PAK5: variants seen among roughly 807,000 people sequenced by gnomAD.
The protein encoded by PAK5 is serine/threonine-protein kinase PAK 5.
In PAK5, 16 loss-of-function variants were observed where a neutral mutation model predicts 65.9. That is an observed-to-expected ratio of 0.24 (90% CI 0.16 to 0.37). The LOEUF is 0.37. PAK5 is among the 10% of genes least tolerant of loss of function. PAK5 has a pLI of 1.00. For synonymous variants in PAK5, 371 were observed against 354.9 expected, an observed-to-expected ratio of 1.05 and a Z score of -0.51; for missense variants, 785 against 903.9, an observed-to-expected ratio of 0.87 and a Z score of 1.69.
chr20:9,652,984 C>T (rs370277168), intron 2 of PAK5, among the ~76,000 whole-genome samples: 9 of 152,290 alleles, frequency 5.9e-5, no homozygotes, highest in African/African-American at 2.2e-4. Flanking sequence ...TTAGCATATA[C>T]ATCCATCTGA....
rs540521820 is a variant in PAK5 at position 9,565,127 on chromosome 20, C to A, written c.1482+766G>T. ...TTTACATTAATAAATATAAGTAATA[C>A]AGGTCAATATATTTTATGATATTAA... On this transcript the variant is annotated intron_variant, in intron 5 of 9. Coordinates refer to ENST00000353224, the MANE Select transcript of PAK5 (RefSeq NM_177990.4). 5.9e-5 allele frequency among the ~76,000 whole-genome samples: 9 copies of A among 151,728 alleles called. No homozygotes were observed. In the South Asian group the frequency reaches 1.9e-3, roughly 31 times the overall value.
intron 1 of PAK5, among the ~76,000 whole-genome samples, chr20:9,790,530 G>T (rs987862798): frequency 6.6e-6 from 1 of 152,036 alleles, no homozygotes; most frequent in Non-Finnish European, 1.5e-5. Context: ...TTTAGAGACA[G>T]GGTCTAACTC....
chr20:9,600,143 A>G (rs2046336187), intron 3 of PAK5, among the ~76,000 whole-genome samples: 1 of 152,178 alleles, frequency 6.6e-6, no homozygotes, highest in Non-Finnish European at 1.5e-5. Flanking sequence ...TGCCTTGTGG[A>G]AAAGCATCTG....
Position 9,802,910 on chromosome 20 carries a change from GTA to G in PAK5, c.-162+35850_-162+35851del, listed in dbSNP as rs57705525. Among the ~76,000 whole-genome samples the G allele has an allele frequency of 4.5e-3, 207 of 46,378 alleles. 3 individuals are homozygous for G. Among genetic ancestry groups the G allele is most frequent in the African/African-American group, 0.011 (142 of 12,514 alleles). The allele number at this position is 46,378 out of a possible 152,430, so 30.4% of individuals were successfully genotyped here. The stretch of plus-strand genomic sequence containing the variant: ...CTTCTGTACTATTGTATATGTATGT[GTA>G]TATATATATATATATATATATGAAT... On this transcript the variant is annotated intron_variant, in intron 1 of 9. Transcript: ENST00000353224.
chr20:9,727,568 A>C (rs1325503998), intron 1 of PAK5, among the ~76,000 whole-genome samples: 3 of 151,960 alleles, frequency 2.0e-5, no homozygotes, highest in Non-Finnish European at 4.4e-5. Context: ...CCAAATGGTA[A>C]TTTTCTGTTT....
In PAK5 at chr20:9,580,569, T is replaced by G. The variant is rs2123015003; in HGVS notation, c.566A>C (p.Lys189Thr). 1 of 1,614,096 alleles carries G rather than the reference T, an allele frequency of 6.2e-7. No individual in the cohort carries two copies. Among genetic ancestry groups the G allele is most frequent in the Non-Finnish European group, 8.5e-7 (1 of 1,180,022 alleles). ...GGCAGAAAATCTGGCAAAATCGGAT[T>G]TCAAAGGCTTCACCTCAGAATAGTA... ...EAYYSEVKPL[K>T]SDFARFSADY... The change falls in exon 4 of 10, where the codon AAA (lysine) becomes ACA (threonine). Residue 189 changes from lysine to threonine, a missense_variant. Lys to Thr is a moderately conservative substitution (Grantham distance 78, BLOSUM62 -1). Around this residue, in one of 4 missense-constraint regions of PAK5, gnomAD observed 422 missense variants for 413.3 expected, o/e 1.02. Transcript: ENST00000353224.
At chr20:9,721,998 A>T (rs549641573) in intron 1 of PAK5, among the ~76,000 whole-genome samples, 1 of 152,284 alleles carries the variant, frequency 6.6e-6, no homozygotes, top group African/African-American at 2.4e-5. Context: ...GCTATTTTTT[A>T]AAATTCAAAT....
intron 2 of PAK5, among the ~76,000 whole-genome samples, chr20:9,693,111 G>A (rs905422289): frequency 6.6e-6 from 1 of 152,086 alleles, no homozygotes; most frequent in African/African-American, 2.4e-5. Flanking sequence ...AAGCAAAGAA[G>A]AATGGCAACT....
At chr20:9,736,274 G>A (rs943059834) in intron 1 of PAK5, among the ~76,000 whole-genome samples, 1 of 152,040 alleles carries the variant, frequency 6.6e-6, no homozygotes, top group African/African-American at 2.4e-5. Context: ...CCAACCTGTG[G>A]AACAACTTCA....
chr20:9,731,790 C>T (rs1424832878), intron 1 of PAK5, among the ~76,000 whole-genome samples: 6 of 151,968 alleles, frequency 3.9e-5, no homozygotes, highest in African/African-American at 7.3e-5. Context: ...TGCAAGTAGA[C>T]GAATTGTGGG....
intron 1 of PAK5, among the ~76,000 whole-genome samples, chr20:9,743,312 G>A (rs1188673428): frequency 6.6e-6 from 1 of 151,988 alleles, no homozygotes. Context: ...TGAATCTGAA[G>A]TGAGCCATTA....
At chr20:9,616,331 C>T (rs190150849) in intron 3 of PAK5, among the ~76,000 whole-genome samples, 185 of 152,258 alleles carry the variant, frequency 1.2e-3, no homozygotes, top group African/African-American at 4.3e-3. Context: ...TTCAGGTGCT[C>T]CTCAAATTAC....
chr20:9,559,951 A>G (rs2045567480), intron 6 of PAK5, among the ~76,000 whole-genome samples: 2 of 152,202 alleles, frequency 1.3e-5, no homozygotes, highest in African/African-American at 4.8e-5. Context: ...CATTCCTCAG[A>G]GGTTTACAGT....
At chr20:9,672,669 G>T (rs561869189) in intron 2 of PAK5, among the ~76,000 whole-genome samples, 45 of 152,184 alleles carry the variant, frequency 3.0e-4, no homozygotes, top group African/African-American at 9.9e-4. Flanking sequence ...AAATTACCCA[G>T]TCTCGCGTAT....
At chr20:9,611,021 G>T (rs2046549691) in intron 3 of PAK5, among the ~76,000 whole-genome samples, 1 of 152,178 alleles carries the variant, frequency 6.6e-6, no homozygotes, top group African/African-American at 2.4e-5. Flanking sequence ...AAACCTGCTA[G>T]CACCTTGATC....
chr20:9,542,932 C>T (rs1391425141), intron 8 of PAK5, among the ~76,000 whole-genome samples: 2 of 152,226 alleles, frequency 1.3e-5, no homozygotes, highest in African/African-American at 4.8e-5. Context: ...AGGTTCCACC[C>T]ATCAGACATA....
chr20:9,593,597 G>A (rs540291663), intron 3 of PAK5, among the ~76,000 whole-genome samples: 10 of 152,190 alleles, frequency 6.6e-5, no homozygotes, highest in South Asian at 2.1e-4. Context: ...GACAGGCCCC[G>A]GTGTGCGATG....
At chr20:9,605,095 G>A (rs976208736) in intron 3 of PAK5, among the ~76,000 whole-genome samples, 1 of 152,248 alleles carries the variant, frequency 6.6e-6, no homozygotes, top group African/African-American at 2.4e-5. Context: ...GCCCCATTGA[G>A]CTGGTTAATG....
chr20:9,799,556 T>A (rs751123960), intron 1 of PAK5, among the ~76,000 whole-genome samples: 10 of 152,028 alleles, frequency 6.6e-5, no homozygotes, highest in Non-Finnish European at 1.0e-4. Context: ...CTGGGAAGAT[T>A]TCTATGGGTC....
Sources: gnomAD v4.1 joint callset for allele counts (sites outside exome capture counted in the v4.1 genomes callset) on GRCh38, gnomAD v4.1.1 for gene constraint, gnomAD v4.1.1 regional missense constraint, MANE v1.5 for transcripts, NCBI Gene and HGNC (gene_info 2026-07-23, HGNC 2026-07-21) for gene names.